Variants in PYROXD1 observed in about 807,000 individuals in gnomAD.
PYROXD1 encodes the protein tRNA ligase complex-associated NAD(P)H dehydrogenase PYROXD1.
A neutral mutation model predicts 62.0 loss-of-function variants in PYROXD1; 42 were observed. The ratio of observed to expected loss-of-function variants is 0.68; its 90% CI spans 0.53 to 0.88. The LOEUF (loss-of-function observed/expected upper bound fraction) is 0.88, where lower values mean the gene tolerates loss of function less well. Ranked by LOEUF, PYROXD1 falls within the 40% of genes least tolerant of loss-of-function variation. PYROXD1 has a pLI of 0.00. For synonymous variants in PYROXD1, 170 were observed against 206.4 expected (o/e 0.82, Z 1.51); for missense variants, 493 against 604.8 (o/e 0.82, Z 1.94).
chr12:21,447,092 A>C (rs1186583703), intron 3 of PYROXD1, among the ~76,000 whole-genome samples: 1 of 152,146 alleles, frequency 6.6e-6, no homozygotes, highest in Non-Finnish European at 1.5e-5. Context: ...TCAGGAAAGG[A>C]TGTTGTTAGA....
chr12:21,454,466 G>T (rs896915135), intron 5 of PYROXD1, among the ~76,000 whole-genome samples: 6 of 151,820 alleles, frequency 4.0e-5, no homozygotes, highest in Non-Finnish European at 8.8e-5. Context: ...TTTGTGAAAG[G>T]AATATTGTTA....
At position 21,470,573 on chromosome 12, in the gene PYROXD1, C is replaced by T. The variant is rs1198910143; in HGVS notation, c.*1819C>T. ...TCTAAAGACCTCAAATGTCCTTAGACACAATGGCACTTGACTTGACATGCT... is the reference window on the plus strand; with the variant it reads ...TCTAAAGACCTCAAATGTCCTTAGATACAATGGCACTTGACTTGACATGCT... On this transcript the variant is annotated 3_prime_UTR_variant, in exon 12 of 12. Coordinates refer to ENST00000240651, the MANE Select transcript of PYROXD1 (RefSeq NM_024854.5). The T allele has an allele frequency of 6.0e-6, 3 of 503,726 alleles. No individual in the cohort carries two copies. The highest frequency in any genetic ancestry group is 3.8e-5 in the South Asian group (1 of 26,612). 31.2% of individuals were successfully genotyped at this position (503,726 alleles called of 1,614,324 possible).
intron 7 of PYROXD1, among the ~76,000 whole-genome samples, chr12:21,460,691 C>T (rs560422394): frequency 6.6e-6 from 1 of 152,258 alleles, no homozygotes; most frequent in South Asian, 2.1e-4. Context: ...TCCCAGAGTG[C>T]TGGGATTACA....
chr12:21,451,941 C>A, intron 4 of PYROXD1, 140 bp from the exon 5 acceptor site: 3 of 604,702 alleles, frequency 5.0e-6, no homozygotes, highest in Non-Finnish European at 8.6e-6. Context: ...TACCCTGATA[C>A]AGTGGGAAAG....
At chr12:21,458,799 A>C (rs578220082) in intron 7 of PYROXD1, among the ~76,000 whole-genome samples, 10 of 152,336 alleles carry the variant, frequency 6.6e-5, no homozygotes, top group South Asian at 2.1e-4. Context: ...ATGACACCCC[A>C]AGACAATTAC....
intron 3 of PYROXD1, among the ~76,000 whole-genome samples, chr12:21,447,373 A>G (rs1172466064): frequency 2.0e-5 from 3 of 152,196 alleles, no homozygotes; most frequent in Admixed American, 6.5e-5. Context: ...TCCAAGTAAT[A>G]TATTTGTCAA....
At chr12:21,440,340 A>AT (rs1415216093) in intron 1 of PYROXD1, 28 bp from the exon 2 acceptor site, 36 of 1,383,868 alleles carry the variant, frequency 2.6e-5, no homozygotes, top group Non-Finnish European at 3.2e-5. Flanking sequence ...ATTTGTCCTA[A>AT]TTTTTTTTCT....
chr12:21,439,840 T>C (rs1375681594), intron 1 of PYROXD1, among the ~76,000 whole-genome samples: 1 of 152,214 alleles, frequency 6.6e-6, no homozygotes, highest in Non-Finnish European at 1.5e-5. Flanking sequence ...GAAGCAATTA[T>C]TAAAATGGCT....
chr12:21,452,876 TATCTTTGCTCACTTGC>T (rs1262623071), intron 5 of PYROXD1, among the ~76,000 whole-genome samples: 1 of 150,622 alleles, frequency 6.6e-6, no homozygotes, highest in African/African-American at 2.5e-5. Context: ...GCCAAAGCCA[TATCTTTGCTCACTTGC>T]ATTCAATCCA....
At chr12:21,450,003 G>T (rs1286496777) in intron 4 of PYROXD1, among the ~76,000 whole-genome samples, 2 of 147,298 alleles carry the variant, frequency 1.4e-5, no homozygotes, top group Non-Finnish European at 3.0e-5. Flanking sequence ...GACTACAGGT[G>T]CCTGCCACCA....
At chr12:21,450,871 G>A (rs549538239) in intron 4 of PYROXD1, among the ~76,000 whole-genome samples, 21 of 152,200 alleles carry the variant, frequency 1.4e-4, no homozygotes, top group Middle Eastern at 3.4e-3. Flanking sequence ...CCTGTGTGAC[G>A]ATTATTACTC....
chr12:21,470,177 A>G lies in PYROXD1; in HGVS notation c.*1423A>G. The G allele has an allele frequency of 6.2e-7, 1 of 1,609,940 alleles. No individual in the cohort carries two copies. The highest frequency in any genetic ancestry group is 8.5e-7 in the Non-Finnish European group (1 of 1,177,916). On this transcript the variant is annotated 3_prime_UTR_variant, in exon 12 of 12. Coordinates refer to ENST00000240651, the MANE Select transcript of PYROXD1 (RefSeq NM_024854.5). ...TGCATAAACCATCTTTAATTAGAAA[A>G]TTTAGTAACATTCATATCAGGCATC...
intron 4 of PYROXD1, 22 bp from the exon 5 acceptor site, chr12:21,452,059 C>T (rs533729253): frequency 1.4e-6 from 2 of 1,403,046 alleles, no homozygotes; most frequent in Admixed American, 3.7e-5. Flanking sequence ...AATACTACCT[C>T]ATTATTTTCT....
At chr12:21,461,189 A>C in intron 8 of PYROXD1, 35 bp downstream of exon 8, 1 of 1,293,506 alleles carries the variant, frequency 7.7e-7, no homozygotes, top group Non-Finnish European at 1.0e-6. Flanking sequence ...ATATATAACC[A>C]CTTAATTAAA....
chr12:21,460,962 C>A, intron 7 of PYROXD1, 63 bp from the exon 8 acceptor site: 3 of 1,051,804 alleles, frequency 2.9e-6, no homozygotes, highest in East Asian at 2.8e-5. Context: ...TTTTCTTCAT[C>A]ATTAGTAACC....
chr12:21,457,758 A>G (rs1018301380), intron 7 of PYROXD1, among the ~76,000 whole-genome samples: 8 of 141,862 alleles, frequency 5.6e-5, no homozygotes, highest in South Asian at 2.3e-4. Flanking sequence ...TGAGAACTCT[A>G]ACATGAAAAC....
At position 21,456,072 on chromosome 12, in the gene PYROXD1, T is replaced by G. The variant is rs371794278; in HGVS notation, c.727T>G (p.Leu243Val). 143 of 1,608,322 alleles carry G rather than the reference T, an allele frequency of 8.9e-5. No homozygotes were observed. Among genetic ancestry groups the G allele is most frequent in the Non-Finnish European group, 1.2e-4 (140 of 1,176,208 alleles). ...ATTGGGACCAGATTGGCATGAAGGC[T>G]TGAATCTTAAAGGAACAAAAGAGGT... Reference protein sequence around the residue: ...SALGPDWHEGLNLKGTKEFSH... With the variant: ...SALGPDWHEGVNLKGTKEFSH... Residue 243 changes from leucine (L) to valine (V), a missense_variant, in exon 7 of 12, where the codon TTG (leucine) becomes GTG (valine). Physicochemically the swap from Leu to Val is conservative, Grantham distance 32. Around this residue, in one of 2 missense-constraint regions of PYROXD1, gnomAD observed 329 missense variants for 446.6 expected, o/e 0.74. Transcript: ENST00000240651.
chr12:21,455,199 G>T lies in PYROXD1; in HGVS notation c.556G>T (p.Asp186Tyr), dbSNP rs751605635. The T allele has an allele frequency of 6.4e-7, 1 of 1,572,750 alleles. No homozygotes were observed. The highest frequency in any genetic ancestry group is 8.6e-7 in the Non-Finnish European group (1 of 1,159,188). Residue 186 changes from aspartate (D) to tyrosine (Y), a missense_variant, in exon 6 of 12, where the codon GAT (aspartate) becomes TAT (tyrosine). This residue lies in a region of PYROXD1 where 329 missense variants were observed against 446.6 expected (regional missense o/e 0.74). Coordinates refer to ENST00000240651, the MANE Select transcript of PYROXD1 (RefSeq NM_024854.5). The stretch of plus-strand genomic sequence containing the variant: ...TAAAGCTATAGGGAATACTTTCTTC[G>T]ATGCAGGAGCAGCTGAATTCTTGAC... ...KDKAIGNTFFDAGAAEFLTSK... is the reference protein window; with the variant it reads ...KDKAIGNTFFYAGAAEFLTSK...
Position 21,437,694 on chromosome 12 carries a change from G to A in PYROXD1, c.-37G>A, listed in dbSNP as rs772777612. 5 of 1,587,832 alleles carry A rather than the reference G, an allele frequency of 3.1e-6. No homozygotes were observed. Among genetic ancestry groups the A allele is most frequent in the African/African-American group, 1.3e-5 (1 of 74,636 alleles). ...CTGGAGTCCAGAGTCCCGTTGCTCC[G>A]CCGCGATATTCAGTAAACCACTGGG... On this transcript the variant is annotated 5_prime_UTR_variant, in exon 1 of 12. Transcript: ENST00000240651.
Sources: allele counts gnomAD v4.1 joint callset (sites outside exome capture counted in the v4.1 genomes callset), GRCh38; gene constraint gnomAD v4.1.1; regional missense constraint gnomAD v4.1.1; transcripts MANE v1.5; gene names NCBI Gene and HGNC (gene_info 2026-07-23, HGNC 2026-07-21).